The following DPYD variants were observed in gnomAD, a reference collection of about 807,000 sequenced individuals.
DPYD encodes the protein dihydropyrimidine dehydrogenase [NADP(+)].
In DPYD, 109 loss-of-function variants were observed where a neutral mutation model predicts 116.2. The observed-to-expected ratio is 0.94, with a 90% CI of 0.80 to 1.10. The LOEUF (loss-of-function observed/expected upper bound fraction) is 1.10, where lower values mean the gene tolerates loss of function less well. DPYD is among the 50% of genes least tolerant of loss of function. The pLI is 0.00. For missense variants in DPYD, 1,302 were observed against 1,254.5 expected (o/e 1.04, Z -0.57); for synonymous variants, 440 against 432.0 (o/e 1.02, Z -0.23).
At chr1:97,267,751 C>T (rs1407260069) in intron 18 of DPYD, among the ~76,000 whole-genome samples, 1 of 152,114 alleles carries the variant, frequency 6.6e-6, no homozygotes, top group African/African-American at 2.4e-5. Flanking sequence ...GGGGATTAAG[C>T]TTCCAACAAA....
At chr1:97,882,152 T>C (rs959919937) in intron 2 of DPYD, among the ~76,000 whole-genome samples, 3 of 152,042 alleles carry the variant, frequency 2.0e-5, no homozygotes, top group African/African-American at 7.2e-5. Context: ...ACTGGTTTCC[T>C]TTTAGAGACC....
intron 3 of DPYD, among the ~76,000 whole-genome samples, chr1:97,770,368 A>G (rs1666077329): frequency 6.6e-6 from 1 of 152,214 alleles, no homozygotes; most frequent in South Asian, 2.1e-4. Context: ...GAAATGCCCA[A>G]TGTTTTTCAA....
At chr1:97,553,147 T>C (rs1023739321) in intron 11 of DPYD, among the ~76,000 whole-genome samples, 8 of 151,990 alleles carry the variant, frequency 5.3e-5, no homozygotes, top group African/African-American at 1.2e-4. Flanking sequence ...GTACATGTAG[T>C]AGACTCTAAG....
intron 19 of DPYD, among the ~76,000 whole-genome samples, chr1:97,204,960 C>T (rs1659489365): frequency 6.6e-6 from 1 of 151,850 alleles, no homozygotes; most frequent in Non-Finnish European, 1.5e-5. Context: ...TTTAAAGGGT[C>T]CCTTTTGGCC....
intron 19 of DPYD, among the ~76,000 whole-genome samples, chr1:97,218,755 G>A (rs1660585571): frequency 1.3e-5 from 2 of 152,048 alleles, no homozygotes; most frequent in Admixed American, 6.6e-5. Flanking sequence ...CAAATCAAAA[G>A]TGATGAGTGG....
chr1:97,283,666 A>G (rs1665476627), intron 18 of DPYD, among the ~76,000 whole-genome samples: 2 of 152,178 alleles, frequency 1.3e-5, no homozygotes, highest in African/African-American at 4.8e-5. Context: ...GTCTTCTACT[A>G]TAAGAACATA....
intron 12 of DPYD, chr1:97,546,008 A>G: frequency 1.5e-6 from 2 of 1,364,178 alleles, no homozygotes; most frequent in East Asian, 2.3e-5. Flanking sequence ...GGAGTTTTCC[A>G]TATGTGACCA....
At chr1:97,796,773 T>C (rs1285323554) in intron 3 of DPYD, 6 of 152,154 alleles carry the variant, frequency 3.9e-5, no homozygotes, top group Admixed American at 6.6e-5. Flanking sequence ...ACAATGGTAA[T>C]TTCACAGTAG....
chr1:97,701,609 C>A (rs769867483), intron 5 of DPYD, among the ~76,000 whole-genome samples: 1 of 151,776 alleles, frequency 6.6e-6, no homozygotes, highest in East Asian at 1.9e-4. Flanking sequence ...GGTGACAGGA[C>A]TTTACATTTT....
At chr1:97,510,776 C>T (rs1269305845) in intron 13 of DPYD, among the ~76,000 whole-genome samples, 3 of 151,966 alleles carry the variant, frequency 2.0e-5, no homozygotes, top group Admixed American at 6.6e-5. Context: ...GAATAAAATA[C>T]GGAAGTAACA....
At chr1:97,148,739 C>T (rs1368074887) in intron 20 of DPYD, among the ~76,000 whole-genome samples, 1 of 152,160 alleles carries the variant, frequency 6.6e-6, no homozygotes, top group African/African-American at 2.4e-5. Flanking sequence ...TCACGACAAA[C>T]ATCTTTGAAC....
chr1:97,640,431 C>A (rs1657822267), intron 8 of DPYD, among the ~76,000 whole-genome samples: 1 of 152,110 alleles, frequency 6.6e-6, no homozygotes, highest in South Asian at 2.1e-4. Flanking sequence ...GCCTCAGCCT[C>A]CTGCGTAACT....
chr1:97,496,444 T>C (rs1346224451), intron 13 of DPYD, among the ~76,000 whole-genome samples: 1 of 152,084 alleles, frequency 6.6e-6, no homozygotes, highest in East Asian at 1.9e-4. Flanking sequence ...TCCAAGCCTG[T>C]CTTATCCTTC....
At chr1:97,510,550 G>T (rs1647711769) in intron 13 of DPYD, among the ~76,000 whole-genome samples, 1 of 151,836 alleles carries the variant, frequency 6.6e-6, no homozygotes, top group African/African-American at 2.4e-5. Flanking sequence ...TGATATTTTG[G>T]GTGTCTTGGA....
chr1:97,198,704 T>G (rs572243672), intron 19 of DPYD, among the ~76,000 whole-genome samples: 1 of 152,318 alleles, frequency 6.6e-6, no homozygotes, highest in African/African-American at 2.4e-5. Context: ...GCTGTTAACA[T>G]GTTTGCTTAG....
chr1:97,581,584 T>G (rs1653675883), intron 10 of DPYD, among the ~76,000 whole-genome samples: 1 of 150,870 alleles, frequency 6.6e-6, no homozygotes. Flanking sequence ...TCTACTAAAT[T>G]TTTTTTAAAA....
intron 20 of DPYD, among the ~76,000 whole-genome samples, chr1:97,191,234 A>G (rs1461808020): frequency 2.0e-5 from 3 of 152,092 alleles, no homozygotes; most frequent in Non-Finnish European, 2.9e-5. Flanking sequence ...GACCAAAAAA[A>G]AGAACGATTA....
chr1:97,804,841 T>G (rs1458993283), intron 3 of DPYD, among the ~76,000 whole-genome samples: 1 of 151,918 alleles, frequency 6.6e-6, no homozygotes, highest in African/African-American at 2.4e-5. Flanking sequence ...AAAGTTATCC[T>G]TAATTATTAT....
chr1:97,168,489 T>A (rs1056420016), intron 20 of DPYD, among the ~76,000 whole-genome samples: 5 of 152,152 alleles, frequency 3.3e-5, no homozygotes, highest in Non-Finnish European at 5.9e-5. Flanking sequence ...TGCAAGGTAT[T>A]AATATTTAGT....
Sources: allele counts gnomAD v4.1 joint callset (sites outside exome capture counted in the v4.1 genomes callset), GRCh38; gene constraint gnomAD v4.1.1; transcripts MANE v1.5; gene names NCBI Gene and HGNC (gene_info 2026-07-23, HGNC 2026-07-21).